BAK1: variants seen among roughly 807,000 people sequenced by gnomAD.
BAK1 encodes BCL2 antagonist/killer 1, also known as bcl-2 homologous antagonist/killer.
A neutral mutation model predicts 24.7 loss-of-function variants in BAK1; 19 were observed. The ratio of observed to expected loss-of-function variants is 0.77; its 90% CI spans 0.54 to 1.13. The LOEUF (loss-of-function observed/expected upper bound fraction) is 1.13, where lower values mean the gene tolerates loss of function less well. Among genes scored for constraint, BAK1 ranks in the 50% most tolerant of loss-of-function variants. The pLI is 0.00. For missense variants in BAK1, 194 were observed against 279.4 expected (o/e 0.69, Z 2.18); for synonymous variants, 86 against 107.3 (o/e 0.80, Z 1.23).
chr6:33,573,860 C>T lies in BAK1; in HGVS notation c.579G>A (p.Val193=). The T allele has an allele frequency of 7.4e-6, 12 of 1,614,216 alleles. No individual in the cohort carries two copies. The highest frequency in any genetic ancestry group is 9.3e-6 in the Non-Finnish European group (11 of 1,180,026). ...GGCCCAACAGAACCACACCCAGAAC[C>T]ACCAGCACGTTCAGGATGGGACCAT... ...LGNGPILNVL[V]VLGVVLLGQF... Residue 193 remains valine, a synonymous_variant, in exon 6 of 6, where the codon GTG becomes GTA. Coordinates refer to ENST00000374467, the MANE Select transcript of BAK1 (RefSeq NM_001188.4).
At chr6:33,579,894 C>T (rs1363264387) in intron 1 of BAK1, 131 bp downstream of exon 1, 2 of 152,338 alleles carry the variant, frequency 1.3e-5, no homozygotes, top group Admixed American at 6.5e-5. Context: ...GGTCCCCAGC[C>T]GGGGCGGCAG....
In BAK1 at chr6:33,575,168, T is replaced by G; in HGVS notation, c.350+130A>C. ...ATAGGGGGCCGAGACCACATGTGAGTTCACAGCAGACATTGGACACTGACA... is the reference window on the plus strand; with the variant it reads ...ATAGGGGGCCGAGACCACATGTGAGGTCACAGCAGACATTGGACACTGACA... On this transcript the variant is annotated intron_variant, in intron 4 of 5. Transcript: ENST00000374467. The surrounding 1 kb of genome is among the most constrained non-coding windows in gnomAD (Gnocchi z 6.3). The G allele has an allele frequency of 7.1e-7, 1 of 1,404,996 alleles. No homozygotes were observed. The highest frequency in any genetic ancestry group is 1.0e-6 in the Non-Finnish European group (1 of 997,242). The allele number at this position is 1,404,996 out of a possible 1,614,324, so 87.0% of individuals were successfully genotyped here. A position where few individuals can be genotyped will look rare whatever the true frequency, so the allele number is the denominator to read the frequency against.
intron 1 of BAK1, among the ~76,000 whole-genome samples, chr6:33,579,652 C>T (rs9282611): frequency 0.013 from 1,914 of 152,320 alleles, 13 homozygotes; most frequent in Non-Finnish European, 0.02. Context: ...TGCTGGGCCC[C>T]GATGAATGTT....
chr6:33,578,610 A>G lies in BAK1; in HGVS notation c.-31-975T>C, dbSNP rs965066593. On this transcript the variant is annotated intron_variant, in intron 1 of 5. Transcript: ENST00000374467. This position sits in a 1 kb window ranked among gnomAD's most constrained non-coding sequence, Gnocchi z 4.8. Reference sequence around the variant, plus strand: ...GGATCAGGGCCTTCTTTGAAGCCCCATAACCTGCCTCGTACTCCCACCACA... The same window carrying G: ...GGATCAGGGCCTTCTTTGAAGCCCCGTAACCTGCCTCGTACTCCCACCACA... Among the ~76,000 whole-genome samples the G allele has an allele frequency of 2.0e-5, 3 of 152,122 alleles. No homozygotes were observed. The highest frequency in any genetic ancestry group is 2.9e-5 in the Non-Finnish European group (2 of 68,010).
rs375888869 is a variant in BAK1, at chr6:33,575,430, T to A, written c.218A>T (p.Gln73Leu). The A allele has an allele frequency of 5.0e-6, 8 of 1,613,572 alleles. No individual in the cohort carries two copies. The highest frequency in any genetic ancestry group is 6.8e-6 in the Non-Finnish European group (8 of 1,179,966). ...GATGATGGCGAGCTGCCGTCCCACC[T>A]GCCCCATGGTGCTGTAGGAGCAGGA... is the stretch of plus-strand genomic sequence containing the variant. ...LPLQPSSTMG[Q>L]VGRQLAIIGD... is the part of the protein sequence containing the mutation. Residue 73 changes from glutamine to leucine, a missense_variant, in exon 4 of 6, where the codon CAG becomes CTG. Physicochemically the swap from Gln to Leu is moderately radical, Grantham distance 113. Coordinates refer to ENST00000374467, the MANE Select transcript of BAK1 (RefSeq NM_001188.4). The surrounding 1 kb of genome is among the most constrained non-coding windows in gnomAD (Gnocchi z 6.3).
In BAK1 at chr6:33,575,160, C is replaced by T. The variant is rs974375721; in HGVS notation, c.350+138G>A. On this transcript the variant is annotated intron_variant, in intron 4 of 5. Transcript: ENST00000374467. This position sits in a 1 kb window ranked among gnomAD's most constrained non-coding sequence, Gnocchi z 6.3. ...AGAGAAAAATAGGGGGCCGAGACCA[C>T]ATGTGAGTTCACAGCAGACATTGGA... 38 of 1,338,846 alleles carry T rather than the reference C, an allele frequency of 2.8e-5. No homozygotes were observed. Among genetic ancestry groups the T allele is most frequent in the Non-Finnish European group, 3.0e-5 (28 of 939,386 alleles). The allele number at this position is 1,338,846 out of a possible 1,614,324, so 82.9% of individuals were successfully genotyped here.
Position 33,574,220 on chromosome 6 carries a change from G to A in BAK1, c.351-6C>T. 6.2e-7 allele frequency: 1 copy of A among 1,612,176 alleles called. No individual in the cohort carries two copies. Among genetic ancestry groups the A allele is most frequent in the Non-Finnish European group, 8.5e-7 (1 of 1,178,578 alleles). On this transcript the variant is annotated splice_polypyrimidine_tract_variant and splice_region_variant and intron_variant, in intron 4 of 5. Transcript: ENST00000374467. ...TGATGCCACTCTCAAACAGGCTGTG[G>A]GCAGAGCATCCCATAGCATTGGTGG...
rs1006679584 is a variant in BAK1 at position 33,578,571 on chromosome 6, G to A, written c.-31-936C>T. Among the ~76,000 whole-genome samples, 1 of 152,102 alleles carries A rather than the reference G, an allele frequency of 6.6e-6. No individual in the cohort carries two copies. Among genetic ancestry groups the A allele is most frequent in the South Asian group, 2.1e-4 (1 of 4,826 alleles). On this transcript the variant is annotated intron_variant, in intron 1 of 5. Transcript: ENST00000374467. This position sits in a 1 kb window ranked among gnomAD's most constrained non-coding sequence, Gnocchi z 4.8. ...TCCCCACTGCTGCCTTGCAGTGACC[G>A]GAGGGAGCCCTCAGGATCAGGGCCT...
rs1049800577 is a variant in BAK1, at chr6:33,575,407, T to G, written c.241A>C (p.Ile81Leu). The change falls in exon 4 of 6, where the codon ATC becomes CTC. Residue 81 changes from isoleucine (I) to leucine (L), a missense_variant. Physicochemically the swap from Ile to Leu is conservative, Grantham distance 5. Transcript: ENST00000374467. This position sits in a 1 kb window ranked among gnomAD's most constrained non-coding sequence, Gnocchi z 6.3. ...MGQVGRQLAI[I>L]GDDINRRYDS... ...TAGCGTCGGTTGATGTCGTCCCCGA[T>G]GATGGCGAGCTGCCGTCCCACCTGC... The G allele has an allele frequency of 7.4e-6, 12 of 1,614,084 alleles. No homozygotes were observed. The highest frequency in any genetic ancestry group is 1.0e-5 in the Non-Finnish European group (12 of 1,180,008).
At chr6:33,574,533 C>A (rs1561830872) in intron 4 of BAK1, 1 of 1,411,044 alleles carries the variant, frequency 7.1e-7, no homozygotes, top group Non-Finnish European at 9.4e-7. Flanking sequence ...GGCCTGGCAG[C>A]CCGAGGGACA....
At position 33,578,410 on chromosome 6, in the gene BAK1, GAA is replaced by G. The variant is rs918483486; in HGVS notation, c.-31-777_-31-776del. Reference sequence around the variant, plus strand: ...GCCCGAGGTCACATCGTTAGTCACGGAAAGTCAGGTTGTTTGTCTGAATCTCC... The same window carrying G: ...GCCCGAGGTCACATCGTTAGTCACGGAGTCAGGTTGTTTGTCTGAATCTCC... On this transcript the variant is annotated intron_variant, in intron 1 of 5. Coordinates refer to ENST00000374467, the MANE Select transcript of BAK1 (RefSeq NM_001188.4). The surrounding 1 kb of genome is among the most constrained non-coding windows in gnomAD (Gnocchi z 4.8). Among the ~76,000 whole-genome samples, 3 of 152,182 alleles carry G rather than the reference GAA, an allele frequency of 2.0e-5. No homozygotes were observed. Among genetic ancestry groups the G allele is most frequent in the East Asian group, 1.9e-4 (1 of 5,202 alleles).
chr6:33,575,935 A>C lies in BAK1; in HGVS notation c.71-7T>G. ...TCCTGGGCTACCTGCTCCTCTGAGG[A>C]TCAAAGCTGGGAGTCAGGGAGAGAG... On this transcript the variant is annotated splice_region_variant and splice_polypyrimidine_tract_variant and intron_variant, in intron 2 of 5. Transcript: ENST00000374467. The surrounding 1 kb of genome is among the most constrained non-coding windows in gnomAD (Gnocchi z 6.3). 2 of 1,614,056 alleles carry C rather than the reference A, an allele frequency of 1.2e-6. No homozygotes were observed. Among genetic ancestry groups the C allele is most frequent in the Non-Finnish European group, 1.7e-6 (2 of 1,179,968 alleles).
In BAK1 at chr6:33,572,807, T is replaced by TGTGCCAGAGCCATGAGGGAGGATCCCACC. The variant is rs1356344850; in HGVS notation, c.*967_*995dup. The stretch of plus-strand genomic sequence containing the variant: ...CCCCATCTACACCCCTGGATTACAC[T>TGTGCCAGAGCCATGAGGGAGGATCCCACC]GTGCCAGAGCCATGAGGGAGGATCC... On this transcript the variant is annotated 3_prime_UTR_variant, in exon 6 of 6. Coordinates refer to ENST00000374467, the MANE Select transcript of BAK1 (RefSeq NM_001188.4). The TGTGCCAGAGCCATGAGGGAGGATCCCACC allele has an allele frequency of 4.7e-4, 71 of 152,128 alleles. 3 individuals carry two copies. The Admixed American group carries it at 4.7e-3, about 10-fold the overall frequency. The allele number at this position is 152,128 out of a possible 1,614,324, so 9.4% of individuals were successfully genotyped here.
At position 33,576,185 on chromosome 6, in the gene BAK1, G is replaced by A. The variant is rs370887178; in HGVS notation, c.71-257C>T. Among the ~76,000 whole-genome samples, 9 of 152,206 alleles carry A rather than the reference G, an allele frequency of 5.9e-5. No individual in the cohort carries two copies. In the East Asian group the frequency reaches 1.6e-3, roughly 26 times the overall value. On this transcript the variant is annotated intron_variant, in intron 2 of 5. Transcript: ENST00000374467. ...CTCTACTAAAAATACAAAATTAGCC[G>A]GGTGTGGTGGCACATGCCTGTAATC...
At chr6:33,574,702 G>A (rs1055584298) in intron 4 of BAK1, among the ~76,000 whole-genome samples, 6 of 152,150 alleles carry the variant, frequency 3.9e-5, no homozygotes, top group African/African-American at 1.2e-4. Flanking sequence ...AATCTACTCC[G>A]ACACTGACTT....
Position 33,573,905 on chromosome 6 carries a change from C to T in BAK1, c.534G>A (p.Val178=). The change falls in exon 6 of 6, where the codon GTG becomes GTA. Residue 178 remains valine (V), a splice_region_variant and synonymous_variant. Transcript: ENST00000374467. ...GACCATTGCCCAAGTTCAGGGCTGCCACCTGCCGGGAGAAACAAGGTGGTC... is the reference window on the plus strand; with the variant it reads ...GACCATTGCCCAAGTTCAGGGCTGCTACCTGCCGGGAGAAACAAGGTGGTC... ...ARWIAQRGGW[V]AALNLGNGPI... is the part of the protein sequence containing the mutation. The T allele has an allele frequency of 3.1e-6, 5 of 1,614,190 alleles. No homozygotes were observed. The highest frequency in any genetic ancestry group is 1.6e-4 in the Middle Eastern group (1 of 6,062).
intron 1 of BAK1, among the ~76,000 whole-genome samples, chr6:33,579,414 T>C (rs1001783340): frequency 2.6e-5 from 4 of 152,046 alleles, no homozygotes; most frequent in Admixed American, 2.0e-4. Flanking sequence ...ATGGCCTTCC[T>C]TCTTCCCCAG....
chr6:33,573,153 C>T lies in BAK1; in HGVS notation c.*650G>A, dbSNP rs1762789645. 6.5e-6 allele frequency: 1 copy of T among 153,140 alleles called. No individual in the cohort carries two copies. Among genetic ancestry groups the T allele is most frequent in the Non-Finnish European group, 1.5e-5 (1 of 68,326 alleles). 9.5% of individuals were successfully genotyped at this position (153,140 alleles called of 1,614,324 possible). On this transcript the variant is annotated 3_prime_UTR_variant, in exon 6 of 6. Coordinates refer to ENST00000374467, the MANE Select transcript of BAK1 (RefSeq NM_001188.4). ...TCTGCGACTCCACCCCACCCCACACCCCAAGCCCAGAATCCCTGAGAGTCC... is the reference window on the plus strand; with the variant it reads ...TCTGCGACTCCACCCCACCCCACACTCCAAGCCCAGAATCCCTGAGAGTCC...
At position 33,577,192 on chromosome 6, in the gene BAK1, T is replaced by C. The variant is rs1433646492; in HGVS notation, c.70+343A>G. 2.0e-5 allele frequency among the ~76,000 whole-genome samples: 3 copies of C among 152,102 alleles called. No homozygotes were observed. The highest frequency in any genetic ancestry group is 2.9e-5 in the Non-Finnish European group (2 of 67,998). The stretch of plus-strand genomic sequence containing the variant: ...GACCTGACTGGGTGATTGGCCAGCT[T>C]ACTTCCTTATTTCTCCCGCTGGAGG... On this transcript the variant is annotated intron_variant, in intron 2 of 5. Coordinates refer to ENST00000374467, the MANE Select transcript of BAK1 (RefSeq NM_001188.4). The surrounding 1 kb of genome is among the most constrained non-coding windows in gnomAD (Gnocchi z 4.6).
Sources: gnomAD v4.1 joint callset for allele counts (sites outside exome capture counted in the v4.1 genomes callset) on GRCh38, gnomAD v4.1.1 for gene constraint, Gnocchi (gnomAD v3.1) non-coding constraint, MANE v1.5 for transcripts, NCBI Gene and HGNC (gene_info 2026-07-23, HGNC 2026-07-21) for gene names.